Variants in MIR2052HG observed in about 807,000 individuals in gnomAD.
The protein encoded by MIR2052HG is MIR2052 host gene.
chr8:74,715,283 G>A (rs576627699), intron 4 of MIR2052HG, among the ~76,000 whole-genome samples: 2 of 152,214 alleles, frequency 1.3e-5, no homozygotes, highest in East Asian at 1.9e-4. Flanking sequence ...TGACTTGCAG[G>A]ATTCATAAAA....
intron 2 of MIR2052HG, among the ~76,000 whole-genome samples, chr8:74,629,136 T>C (rs186307933): frequency 1.3e-5 from 2 of 152,192 alleles, no homozygotes; most frequent in African/African-American, 4.8e-5. Flanking sequence ...TACTCTTTCA[T>C]TAAAATATCA....
At chr8:74,608,071 G>A (rs1808137896) in intron 1 of MIR2052HG, among the ~76,000 whole-genome samples, 1 of 152,198 alleles carries the variant, frequency 6.6e-6, no homozygotes, top group African/African-American at 2.4e-5. Context: ...GGGACTTTGG[G>A]TTGTAAATTG....
intron 4 of MIR2052HG, among the ~76,000 whole-genome samples, chr8:74,742,960 A>C (rs11984549): frequency 1.9e-4 from 29 of 151,958 alleles, no homozygotes; most frequent in Admixed American, 7.9e-4. Context: ...TGTGGAAAAA[A>C]AATGAGACAT....
intron 2 of MIR2052HG, among the ~76,000 whole-genome samples, chr8:74,691,600 T>C (rs1809240160): frequency 1.3e-5 from 2 of 152,186 alleles, no homozygotes; most frequent in Admixed American, 1.3e-4. Context: ...GAGCCCAATA[T>C]GGTAGGTGGA....
At chr8:74,661,205 T>C (rs1422138610) in intron 2 of MIR2052HG, among the ~76,000 whole-genome samples, 1 of 150,432 alleles carries the variant, frequency 6.6e-6, no homozygotes, top group East Asian at 1.9e-4. Flanking sequence ...AGGTCCTTTT[T>C]TTTTTTTTTT....
At chr8:74,695,000 G>C (rs1586916060) in intron 2 of MIR2052HG, among the ~76,000 whole-genome samples, 1 of 152,184 alleles carries the variant, frequency 6.6e-6, no homozygotes, top group East Asian at 1.9e-4. Context: ...ATTGCAAAAA[G>C]TTAATAACCT....
At chr8:74,715,912 A>G (rs995936872) in intron 4 of MIR2052HG, among the ~76,000 whole-genome samples, 1 of 152,224 alleles carries the variant, frequency 6.6e-6, no homozygotes, top group South Asian at 2.1e-4. Flanking sequence ...TAGAAAATGT[A>G]TGCAAAATTA....
At chr8:74,664,621 G>T (rs1370086627) in intron 2 of MIR2052HG, among the ~76,000 whole-genome samples, 1 of 152,020 alleles carries the variant, frequency 6.6e-6, no homozygotes, top group African/African-American at 2.4e-5. Context: ...GGGTTCAAGC[G>T]ATTCTCCTGC....
At chr8:74,712,436 GA>G (rs1809477444) in intron 4 of MIR2052HG, among the ~76,000 whole-genome samples, 1 of 152,064 alleles carries the variant, frequency 6.6e-6, no homozygotes, top group Admixed American at 6.6e-5. Context: ...CTACTTACAT[GA>G]AATCATAACA....
intron 4 of MIR2052HG, among the ~76,000 whole-genome samples, chr8:74,733,475 C>T (rs1199709157): frequency 1.3e-5 from 2 of 151,206 alleles, no homozygotes. Flanking sequence ...TTAATCCAGT[C>T]TATCATTGTT....
At chr8:74,712,640 T>C (rs892960743) in intron 4 of MIR2052HG, among the ~76,000 whole-genome samples, 2 of 151,864 alleles carry the variant, frequency 1.3e-5, no homozygotes, top group Non-Finnish European at 2.9e-5. Flanking sequence ...ACTTTTGTAT[T>C]ACAACTTGGC....
At position 74,600,503 on chromosome 8, in the gene MIR2052HG, A is replaced by T. The variant is rs554839821; in HGVS notation, n.128+595A>T. 6.6e-5 allele frequency among the ~76,000 whole-genome samples: 10 copies of T among 150,786 alleles called. No individual in the cohort carries two copies. In the South Asian group the frequency reaches 2.1e-3, roughly 32 times the overall value. Reference sequence around the variant, plus strand: ...AGGCTGAGGCAGGAGAATGGCATGAACCGGGGAGGCGGAGGTTGTGGTGAG... The same window carrying T: ...AGGCTGAGGCAGGAGAATGGCATGATCCGGGGAGGCGGAGGTTGTGGTGAG... On this transcript the variant is annotated intron_variant and non_coding_transcript_variant, in intron 1 of 6. Transcript: ENST00000523442.
At chr8:74,687,325 C>T (rs1809192916) in intron 2 of MIR2052HG, among the ~76,000 whole-genome samples, 1 of 152,112 alleles carries the variant, frequency 6.6e-6, no homozygotes, top group African/African-American at 2.4e-5. Context: ...ACCATATGAT[C>T]CAGCAATTCC....
At chr8:74,744,095 A>G (rs1809858225) in intron 4 of MIR2052HG, among the ~76,000 whole-genome samples, 1 of 152,200 alleles carries the variant, frequency 6.6e-6, no homozygotes, top group Admixed American at 6.5e-5. Context: ...GTGCTTGCAA[A>G]TAAGAAATAA....
intron 4 of MIR2052HG, among the ~76,000 whole-genome samples, chr8:74,720,752 T>C (rs1197030167): frequency 2.6e-5 from 4 of 152,134 alleles, no homozygotes; most frequent in Non-Finnish European, 5.9e-5. Flanking sequence ...TGTGTATGTA[T>C]ATATATGTAC....
chr8:74,628,355 G>GA (rs1463079504), intron 2 of MIR2052HG, among the ~76,000 whole-genome samples: 1 of 152,122 alleles, frequency 6.6e-6, no homozygotes, highest in East Asian at 1.9e-4. Flanking sequence ...ATGAGAGGAA[G>GA]AAAAAAATGT....
chr8:74,618,246 G>A (rs117026688), intron 2 of MIR2052HG, among the ~76,000 whole-genome samples: 99 of 152,178 alleles, frequency 6.5e-4, no homozygotes, highest in African/African-American at 2.2e-3. Context: ...ACCATTTTCC[G>A]TCCTCTTGCC....
chr8:74,676,739 C>A (rs1355394917), intron 2 of MIR2052HG, among the ~76,000 whole-genome samples: 1 of 151,646 alleles, frequency 6.6e-6, no homozygotes, highest in Admixed American at 6.6e-5. Flanking sequence ...TGGTGACTAC[C>A]GTTAATAATA....
chr8:74,728,952 C>T (rs1292739014), intron 4 of MIR2052HG, among the ~76,000 whole-genome samples: 1 of 152,068 alleles, frequency 6.6e-6, no homozygotes, highest in Non-Finnish European at 1.5e-5. Flanking sequence ...AGTCACCAGG[C>T]TTTTCCCTGA....
Sources: allele counts gnomAD v4.1 joint callset (sites outside exome capture counted in the v4.1 genomes callset), GRCh38; gene constraint gnomAD v4.1.1; transcripts MANE v1.5; gene names NCBI Gene and HGNC (gene_info 2026-07-23, HGNC 2026-07-21).